DPF3: variants seen among roughly 807,000 people sequenced by gnomAD.
The protein encoded by DPF3 is double PHD fingers 3.
Under a neutral mutation model 56.8 loss-of-function variants are expected in DPF3, and 18 were observed. The observed-to-expected ratio is 0.32, with a 90% CI of 0.22 to 0.47. DPF3 has a LOEUF of 0.47. Ranked by LOEUF, DPF3 falls within the 20% of genes least tolerant of loss-of-function variation. The pLI is 1.00. For missense variants in DPF3, 403 were observed against 488.8 expected (o/e 0.82, Z 1.65); for synonymous variants, 188 against 180.2 (o/e 1.04, Z -0.35).
intron 1 of DPF3, among the ~76,000 whole-genome samples, chr14:72,877,809 T>C (rs1886171570): frequency 2.0e-5 from 3 of 152,286 alleles, no homozygotes; most frequent in Admixed American, 2.0e-4. Context: ...TAAAATTGAA[T>C]GGTCCGAACC....
At chr14:72,679,569 G>T (rs1887066159) in intron 7 of DPF3, among the ~76,000 whole-genome samples, 1 of 152,238 alleles carries the variant, frequency 6.6e-6, no homozygotes, top group African/African-American at 2.4e-5. Context: ...TCTGGGAAGA[G>T]ATGCGCCTCT....
At chr14:72,755,247 C>A (rs978715908) in intron 2 of DPF3, among the ~76,000 whole-genome samples, 1 of 152,198 alleles carries the variant, frequency 6.6e-6, no homozygotes, top group Non-Finnish European at 1.5e-5. Context: ...GCAAAAGTGT[C>A]CACACTTGTC....
intron 4 of DPF3, among the ~76,000 whole-genome samples, chr14:72,728,796 A>G (rs559829705): frequency 3.3e-5 from 5 of 152,324 alleles, no homozygotes; most frequent in African/African-American, 1.2e-4. Flanking sequence ...AAGAAAACAG[A>G]CAATAAACAA....
At chr14:72,820,749 C>T (rs1454182979) in intron 1 of DPF3, among the ~76,000 whole-genome samples, 2 of 152,134 alleles carry the variant, frequency 1.3e-5, no homozygotes, top group African/African-American at 4.8e-5. Flanking sequence ...AATCCCAGCA[C>T]TTTGGGAGGT....
intron 1 of DPF3, among the ~76,000 whole-genome samples, chr14:72,815,389 A>G (rs1301579885): frequency 6.6e-6 from 1 of 152,270 alleles, no homozygotes; most frequent in East Asian, 1.9e-4. Context: ...GCGTGTGGGA[A>G]TGCTAACTGG....
At chr14:72,735,436 T>C (rs967611469) in intron 3 of DPF3, among the ~76,000 whole-genome samples, 4 of 152,224 alleles carry the variant, frequency 2.6e-5, no homozygotes, top group African/African-American at 9.7e-5. Flanking sequence ...TAATTGAATC[T>C]ACTCTCTTGG....
chr14:72,764,479 GAGTTGTTT>G (rs1891183647), intron 2 of DPF3, among the ~76,000 whole-genome samples: 2 of 119,108 alleles, frequency 1.7e-5, no homozygotes, highest in Admixed American at 9.0e-5. Flanking sequence ...CTATTTTCCT[GAGTTGTTT>G]TTTTTTTTTT....
chr14:72,809,481 T>C (rs900701062), intron 1 of DPF3, among the ~76,000 whole-genome samples: 2 of 152,170 alleles, frequency 1.3e-5, no homozygotes, highest in Admixed American at 1.3e-4. Context: ...CCAACTTATG[T>C]GCAGGCATGA....
chr14:72,791,940 G>T (rs1372940885), intron 1 of DPF3, among the ~76,000 whole-genome samples: 4 of 152,204 alleles, frequency 2.6e-5, no homozygotes, highest in African/African-American at 9.7e-5. Context: ...AGCCACCCAT[G>T]GCTGGGAGGA....
intron 2 of DPF3, among the ~76,000 whole-genome samples, chr14:72,756,906 AAAAGAAAG>A (rs1233456651): frequency 3.7e-4 from 28 of 74,708 alleles, no homozygotes; most frequent in African/African-American, 1.5e-3. Context: ...AGAAAAGAAA[AAAAGAAAG>A]AAAGAAAGAA....
rs1599300527 is a variant in DPF3 at position 72,613,305 on chromosome 14, T to C, written c.*5992A>G. Among the ~76,000 whole-genome samples the C allele has an allele frequency of 2.0e-5, 3 of 152,166 alleles. No homozygotes were observed. Among genetic ancestry groups the C allele is most frequent in the African/African-American group, 7.2e-5 (3 of 41,448 alleles). On this transcript the variant is annotated 3_prime_UTR_variant, in exon 11 of 11. Coordinates refer to ENST00000556509, the MANE Select transcript of DPF3 (RefSeq NM_001280542.3). ...GCCGCGTTTATTTGCTAGACAGGGT[T>C]GGTGCCAGCCTACAGGGCCATTTTG...
chr14:72,890,769 A>G lies in DPF3; in HGVS notation c.32+3288T>C, dbSNP rs188593675. Among the ~76,000 whole-genome samples, 18 of 152,174 alleles carry G rather than the reference A, an allele frequency of 1.2e-4. No individual in the cohort carries two copies. The East Asian group carries it at 3.1e-3, about 26-fold the overall frequency. On this transcript the variant is annotated intron_variant, in intron 1 of 10. Transcript: ENST00000556509. ...ATGTCCACCAGTGCTTTTGAATTCT[A>G]TTTGTCCAGATGTGACTGCTTGGTT...
At chr14:72,645,782 AC>A in intron 8 of DPF3, among the ~76,000 whole-genome samples, 1 of 151,618 alleles carries the variant, frequency 6.6e-6, no homozygotes, top group Admixed American at 6.6e-5. Flanking sequence ...CACACCCTCA[AC>A]GCTCCTACAC....
chr14:72,625,671 T>A (rs527572430), intron 9 of DPF3, among the ~76,000 whole-genome samples: 5 of 152,226 alleles, frequency 3.3e-5, no homozygotes, highest in Non-Finnish European at 7.3e-5. Flanking sequence ...TAGGTACACA[T>A]GCATACATCT....
intron 8 of DPF3, chr14:72,662,646 C>T (rs903236593): frequency 6.1e-6 from 6 of 985,268 alleles, no homozygotes; most frequent in Non-Finnish European, 4.8e-6. Flanking sequence ...AGCTGAGTTG[C>T]GCTGCAGGAT....
intron 1 of DPF3, among the ~76,000 whole-genome samples, chr14:72,849,526 C>T (rs927543660): frequency 5.9e-5 from 9 of 152,178 alleles, no homozygotes; most frequent in Non-Finnish European, 1.2e-4. Context: ...CTGCCAGGCC[C>T]GGCAGTTCTC....
intron 9 of DPF3, among the ~76,000 whole-genome samples, chr14:72,625,167 T>A (rs545836074): frequency 6.6e-6 from 1 of 152,340 alleles, no homozygotes; most frequent in Admixed American, 6.5e-5. Flanking sequence ...TTCGTCCTTA[T>A]AACCATAACT....
chr14:72,778,568 T>C (rs1891843130), intron 1 of DPF3, among the ~76,000 whole-genome samples: 1 of 152,192 alleles, frequency 6.6e-6, no homozygotes, highest in South Asian at 2.1e-4. Flanking sequence ...ACAATAAATG[T>C]AATGCACTTG....
At chr14:72,676,756 T>C (rs1025727284) in intron 7 of DPF3, among the ~76,000 whole-genome samples, 1 of 152,210 alleles carries the variant, frequency 6.6e-6, no homozygotes, top group Non-Finnish European at 1.5e-5. Context: ...GCCGTGATTG[T>C]GAGGCCTCCC....
Sources: allele counts gnomAD v4.1 joint callset (sites outside exome capture counted in the v4.1 genomes callset), GRCh38; gene constraint gnomAD v4.1.1; transcripts MANE v1.5; gene names NCBI Gene and HGNC (gene_info 2026-07-23, HGNC 2026-07-21).